The following CCR6 variants were observed in gnomAD, a reference collection of about 807,000 sequenced individuals.
CCR6 encodes C-C chemokine receptor type 6.
A neutral mutation model predicts 3.0 loss-of-function variants in CCR6; 2 were observed. That is an observed-to-expected ratio of 0.66 (90% CI 0.27 to 2.07). The LOEUF is 2.07. CCR6 is among the 30% of genes most tolerant of loss of function. The probability of loss-of-function intolerance (pLI) is 0.14; values close to 1 mark genes in which losing one functional copy is unlikely to be tolerated. For synonymous variants in CCR6, 193 were observed against 184.3 expected (o/e 1.05, Z -0.38); for missense variants, 322 against 462.8 (o/e 0.70, Z 2.79).
At chr6:167,129,294 G>A (rs1781716902) in intron 1 of CCR6, among the ~76,000 whole-genome samples, 1 of 152,206 alleles carries the variant, frequency 6.6e-6, no homozygotes, top group Non-Finnish European at 1.5e-5. Flanking sequence ...CTGATCTGCA[G>A]TTTATTGACT....
At chr6:167,130,584 G>C (rs1476094891) in intron 1 of CCR6, among the ~76,000 whole-genome samples, 1 of 151,738 alleles carries the variant, frequency 6.6e-6, no homozygotes, top group East Asian at 1.9e-4. Context: ...CAGTGGCTTG[G>C]GGAAGGCCGA....
At chr6:167,128,392 G>A (rs1353287300) in intron 1 of CCR6, among the ~76,000 whole-genome samples, 1 of 152,192 alleles carries the variant, frequency 6.6e-6, no homozygotes, top group African/African-American at 2.4e-5. Flanking sequence ...TAGTGACCAC[G>A]GTGGAGAGTA....
At chr6:167,132,633 C>T (rs41354947) in intron 1 of CCR6, among the ~76,000 whole-genome samples, 400 of 152,262 alleles carry the variant, frequency 2.6e-3, no homozygotes, top group African/African-American at 9.4e-3. Flanking sequence ...CTCCGCCTCC[C>T]GGGTTCAACT....
rs780682548 is a variant in CCR6 at position 167,137,081 on chromosome 6, T to C, written c.851T>C (p.Met284Thr). ...LLVTAANLGK[M>T]NRSCQSEKLI... ...GTGACGGCTGCAAATTTGGGTAAAATGAACCGATCCTGCCAGAGCGAAAAG... is the reference window on the plus strand; with the variant it reads ...GTGACGGCTGCAAATTTGGGTAAAACGAACCGATCCTGCCAGAGCGAAAAG... The change falls in exon 3 of 3, where the codon ATG becomes ACG. Residue 284 changes from methionine (M) to threonine (T), a missense_variant. Physicochemically the swap from Met to Thr is moderately conservative, Grantham distance 81. Coordinates refer to ENST00000341935, the MANE Select transcript of CCR6 (RefSeq NM_031409.4). This position sits in a 1 kb window ranked among gnomAD's most constrained non-coding sequence, Gnocchi z 4.6. 1.2e-6 allele frequency: 2 copies of C among 1,614,156 alleles called. No individual in the cohort carries two copies. The highest frequency in any genetic ancestry group is 2.2e-5 in the East Asian group (1 of 44,884).
upstream of CCR6, chr6:167,121,114 C>G (rs1781579807): frequency 6.6e-6 from 1 of 152,254 alleles, no homozygotes; most frequent in Admixed American, 6.5e-5. Flanking sequence ...GAGGGTGTTG[C>G]AGGGAGGAGG....
intron 1 of CCR6, among the ~76,000 whole-genome samples, chr6:167,129,245 C>T (rs1380636954): frequency 6.6e-6 from 1 of 152,156 alleles, no homozygotes; most frequent in African/African-American, 2.4e-5. Flanking sequence ...TTATAAGTTT[C>T]AGATTTTATC....
intron 1 of CCR6, among the ~76,000 whole-genome samples, chr6:167,114,118 C>T (rs758423520): frequency 1.3e-5 from 2 of 152,128 alleles, no homozygotes; most frequent in South Asian, 2.1e-4. Flanking sequence ...CAGGGCCCTT[C>T]GGCAGCCGGC....
At chr6:167,125,611 C>CG (rs1781659017) in intron 1 of CCR6, among the ~76,000 whole-genome samples, 1 of 152,294 alleles carries the variant, frequency 6.6e-6, no homozygotes, top group East Asian at 1.9e-4. Flanking sequence ...CGTTGAAGGC[C>CG]GGGGGGAGAT....
Position 167,136,366 on chromosome 6 carries a change from A to G in CCR6, c.136A>G (p.Arg46Gly), listed in dbSNP as rs765162012. The change falls in exon 3 of 3, where the codon AGG (arginine) becomes GGG (glycine). Residue 46 changes from arginine to glycine, a missense_variant. Transcript: ENST00000341935. The surrounding 1 kb of genome is among the most constrained non-coding windows in gnomAD (Gnocchi z 4.6). ...CSLQEVRQFS[R>G]LFVPIAYSLI... ...CTTGCAGGAGGTCAGGCAGTTCTCCAGGCTATTTGTACCGATTGCCTACTC... is the reference window on the plus strand; with the variant it reads ...CTTGCAGGAGGTCAGGCAGTTCTCCGGGCTATTTGTACCGATTGCCTACTC... 5 of 1,614,206 alleles carry G rather than the reference A, an allele frequency of 3.1e-6. No individual in the cohort carries two copies. The East Asian group carries it at 1.1e-4, about 36-fold the overall frequency.
intron 1 of CCR6, among the ~76,000 whole-genome samples, chr6:167,117,678 G>A (rs948746713): frequency 1.3e-5 from 2 of 151,668 alleles, no homozygotes; most frequent in African/African-American, 4.9e-5. Context: ...GCCTCCCAAA[G>A]TGCTGGGATT....
upstream of CCR6, among the ~76,000 whole-genome samples, chr6:167,120,188 A>C (rs1781564639): frequency 6.6e-6 from 1 of 152,014 alleles, no homozygotes. Context: ...TGCAGGTACC[A>C]TCAGAGAGTG....
At chr6:167,112,886 C>T (rs761365485) in intron 1 of CCR6, among the ~76,000 whole-genome samples, 14 of 152,068 alleles carry the variant, frequency 9.2e-5, no homozygotes, top group Non-Finnish European at 1.9e-4. Context: ...CTTGATGCTG[C>T]AATGCATCAG....
At chr6:167,135,483 C>G (rs760358988) in intron 1 of CCR6, among the ~76,000 whole-genome samples, 4 of 152,232 alleles carry the variant, frequency 2.6e-5, no homozygotes, top group Non-Finnish European at 5.9e-5. Flanking sequence ...CACTCATAGT[C>G]AAACTTTAAA....
At chr6:167,121,267 C>A (rs757071983), upstream of CCR6, among the ~76,000 whole-genome samples, 1 of 152,256 alleles carries the variant, frequency 6.6e-6, no homozygotes, top group Admixed American at 6.5e-5. Flanking sequence ...GGCCACACAA[C>A]GCGGTTTTGT....
chr6:167,122,120 T>C (rs970245896), upstream of CCR6, among the ~76,000 whole-genome samples: 1 of 151,956 alleles, frequency 6.6e-6, no homozygotes, highest in Non-Finnish European at 1.5e-5. The surrounding 1 kb of genome is among the most constrained non-coding windows in gnomAD (Gnocchi z 4.2). Flanking sequence ...GTGGTCAAGA[T>C]AGAGCAGAGC....
At chr6:167,125,420 C>A (rs1781656032) in intron 1 of CCR6, among the ~76,000 whole-genome samples, 1 of 152,068 alleles carries the variant, frequency 6.6e-6, no homozygotes, top group Non-Finnish European at 1.5e-5. Flanking sequence ...TCTTGGGGAG[C>A]CCCCCACCCA....
intron 1 of CCR6, among the ~76,000 whole-genome samples, chr6:167,124,105 C>T (rs1293924532): frequency 1.3e-5 from 2 of 152,108 alleles, no homozygotes; most frequent in Non-Finnish European, 2.9e-5. Flanking sequence ...CTCCAAAGTC[C>T]ACTTAGCAGC....
Position 167,137,397 on chromosome 6 carries a change from A to C in CCR6, c.*42A>C. 6.8e-5 allele frequency: 105 copies of C among 1,536,710 alleles called. No homozygotes were observed. Among genetic ancestry groups the C allele is most frequent in the Non-Finnish European group, 8.6e-5 (98 of 1,144,020 alleles). On this transcript the variant is annotated 3_prime_UTR_variant, in exon 3 of 3. Coordinates refer to ENST00000341935, the MANE Select transcript of CCR6 (RefSeq NM_031409.4). The surrounding 1 kb of genome is among the most constrained non-coding windows in gnomAD (Gnocchi z 4.6). Reference sequence around the variant, plus strand: ...CCTAAGGCATGTGTGAAACATACTCATAGATGTTATGCAAAAAAAAGTCTA... The same window carrying C: ...CCTAAGGCATGTGTGAAACATACTCCTAGATGTTATGCAAAAAAAAGTCTA...
upstream of CCR6, among the ~76,000 whole-genome samples, chr6:167,118,987 T>C (rs1781543400): frequency 6.6e-6 from 1 of 152,120 alleles, no homozygotes; most frequent in Admixed American, 6.5e-5. Context: ...GTAAACTCGC[T>C]CCCTGTCCCT....
Sources: gnomAD v4.1 joint callset for allele counts (sites outside exome capture counted in the v4.1 genomes callset) on GRCh38, gnomAD v4.1.1 for gene constraint, Gnocchi (gnomAD v3.1) non-coding constraint, MANE v1.5 for transcripts, NCBI Gene and HGNC (gene_info 2026-07-23, HGNC 2026-07-21) for gene names.